Variants in NUDT5 observed in about 807,000 individuals in gnomAD.
NUDT5 encodes nudix hydrolase 5.
In NUDT5, 21 loss-of-function variants were observed where a neutral mutation model predicts 34.1. The ratio of observed to expected loss-of-function variants is 0.62; its 90% confidence interval spans 0.44 to 0.89. NUDT5 has a LOEUF of 0.89. NUDT5 is among the 40% of genes least tolerant of loss of function. The pLI is 0.00. For synonymous variants in NUDT5, 85 were observed against 97.6 expected (o/e 0.87, Z 0.76); for missense variants, 249 against 274.8 (o/e 0.91, Z 0.66).
In NUDT5 at chr10:12,166,373, A is replaced by G. The variant is rs1834693260; in HGVS notation, c.*1329T>C. 3 of 158,368 alleles carry G rather than the reference A, an allele frequency of 1.9e-5. No homozygotes were observed. 9.8% of individuals were successfully genotyped at this position (158,368 alleles called of 1,614,324 possible). On this transcript the variant is annotated 3_prime_UTR_variant, in exon 10 of 10. Coordinates refer to ENST00000491614, the MANE Select transcript of NUDT5 (RefSeq NM_014142.4). ...TAAAAAAGGGTTAGAGGCATAGGGG[A>G]AGGCTACCATTACAGGAAGTAGTTG...
At position 12,170,068 on chromosome 10, in the gene NUDT5, C is replaced by T; in HGVS notation, c.550+649G>A. On this transcript the variant is annotated intron_variant, in intron 9 of 9. Coordinates refer to ENST00000491614, the MANE Select transcript of NUDT5 (RefSeq NM_014142.4). The surrounding 1 kb of genome is among the most constrained non-coding windows in gnomAD (Gnocchi z 4.9). ...CATACAGTATCTCCTCGTCTCCACA[C>T]AGTATCTCCTCATGTCTCCATACAG... 3 of 1,592,452 alleles carry T rather than the reference C, an allele frequency of 1.9e-6. No homozygotes were observed. Among genetic ancestry groups the T allele is most frequent in the Non-Finnish European group, 2.6e-6 (3 of 1,161,468 alleles).
At position 12,179,142 on chromosome 10, in the gene NUDT5, C is replaced by G. The variant is rs1438666331; in HGVS notation, c.132-10G>C. The G allele has an allele frequency of 1.9e-6, 3 of 1,610,114 alleles. No homozygotes were observed. The highest frequency in any genetic ancestry group is 2.5e-6 in the Non-Finnish European group (3 of 1,178,756). On this transcript the variant is annotated splice_polypyrimidine_tract_variant and intron_variant, in intron 3 of 9. Coordinates refer to ENST00000491614, the MANE Select transcript of NUDT5 (RefSeq NM_014142.4). ...CACTGATTCCCAAGTTCTGTTCAGG[C>G]AGAGAAGAAAAAAAAGTCATTAGTG...
intron 1 of NUDT5, among the ~76,000 whole-genome samples, chr10:12,191,868 G>C (rs1350613172): frequency 6.6e-6 from 1 of 152,174 alleles, no homozygotes; most frequent in East Asian, 1.9e-4. Context: ...AGTTAAGTGG[G>C]AGTTTAGATT....
In NUDT5 at chr10:12,173,320, T is replaced by C. The variant is rs562665213; in HGVS notation, c.385+398A>G. ...CTCTGCCTCCTGGGTTCAATTCTCC[T>C]GCCTCAGCCTCCCGAGTAGCTGGGA... On this transcript the variant is annotated intron_variant, in intron 6 of 9. Transcript: ENST00000491614. This position sits in a 1 kb window ranked among gnomAD's most constrained non-coding sequence, Gnocchi z 4.7. Among the ~76,000 whole-genome samples, 9 of 152,292 alleles carry C rather than the reference T, an allele frequency of 5.9e-5. No individual in the cohort carries two copies. Among genetic ancestry groups the C allele is most frequent in the African/African-American group, 1.7e-4 (7 of 41,564 alleles).
intron 2 of NUDT5, among the ~76,000 whole-genome samples, chr10:12,185,610 C>A (rs1835113733): frequency 6.6e-6 from 1 of 152,224 alleles, no homozygotes. Context: ...CTCCTACTAT[C>A]CTATCTTTCA....
Position 12,173,550 on chromosome 10 carries a change from T to C in NUDT5, c.385+168A>G, listed in dbSNP as rs1210857320. ...ATTCTCCCCCAACTTCAGGCCCTTC[T>C]GGCTCCAGTTTCCTCCTGGGAGGGG... is the stretch of plus-strand genomic sequence containing the variant. On this transcript the variant is annotated intron_variant, in intron 6 of 9. Coordinates refer to ENST00000491614, the MANE Select transcript of NUDT5 (RefSeq NM_014142.4). This position sits in a 1 kb window ranked among gnomAD's most constrained non-coding sequence, Gnocchi z 4.7. Among the ~76,000 whole-genome samples the C allele has an allele frequency of 6.6e-6, 1 of 152,226 alleles. No individual in the cohort carries two copies. Among genetic ancestry groups the C allele is most frequent in the Non-Finnish European group, 1.5e-5 (1 of 68,030 alleles).
chr10:12,181,466 C>CA lies in NUDT5; in HGVS notation c.132-2335_132-2334insT, dbSNP rs1835039522. ...TTCAGATTTTGAAATATTTGCCTTA[C>CA]CCTCTGGGTGTCATGCAGGCCTTTT... is the stretch of plus-strand genomic sequence containing the variant. On this transcript the variant is annotated intron_variant, in intron 3 of 9. Coordinates refer to ENST00000491614, the MANE Select transcript of NUDT5 (RefSeq NM_014142.4). The surrounding 1 kb of genome is among the most constrained non-coding windows in gnomAD (Gnocchi z 5.0). Among the ~76,000 whole-genome samples the CA allele has an allele frequency of 6.6e-6, 1 of 152,182 alleles. No individual in the cohort carries two copies. The highest frequency in any genetic ancestry group is 1.5e-5 in the Non-Finnish European group (1 of 68,046).
In NUDT5 at chr10:12,173,413, G is replaced by A. The variant is rs1003090591; in HGVS notation, c.385+305C>T. Among the ~76,000 whole-genome samples, 5 of 152,180 alleles carry A rather than the reference G, an allele frequency of 3.3e-5. No homozygotes were observed. Among genetic ancestry groups the A allele is most frequent in the Non-Finnish European group, 7.3e-5 (5 of 68,042 alleles). ...GAGATGGGTTTCACCATGTTGGTCA[G>A]GCTGGTCTCGAACTCCTGACCTCAG... On this transcript the variant is annotated intron_variant, in intron 6 of 9. Transcript: ENST00000491614. The surrounding 1 kb of genome is among the most constrained non-coding windows in gnomAD (Gnocchi z 4.7).
rs1588656762 is a variant in NUDT5, at chr10:12,175,637, G to C, written c.290-1824C>G. Among the ~76,000 whole-genome samples, 1 of 151,328 alleles carries C rather than the reference G, an allele frequency of 6.6e-6. No homozygotes were observed. Among genetic ancestry groups the C allele is most frequent in the African/African-American group, 2.4e-5 (1 of 41,156 alleles). On this transcript the variant is annotated intron_variant, in intron 5 of 9. Coordinates refer to ENST00000491614, the MANE Select transcript of NUDT5 (RefSeq NM_014142.4). This position sits in a 1 kb window ranked among gnomAD's most constrained non-coding sequence, Gnocchi z 4.8. The stretch of plus-strand genomic sequence containing the variant: ...AACATGGGCAACAGAGCTAGACATA[G>C]TCTCAAAAAAAGAGCCCGGGCATGG...
intron 7 of NUDT5, 55 bp downstream of exon 7, chr10:12,172,710 T>C: frequency 8.2e-7 from 1 of 1,222,158 alleles, no homozygotes; most frequent in Non-Finnish European, 1.2e-6. Flanking sequence ...TAGCAGCAAG[T>C]TCCAAGACAC....
At chr10:12,184,415 G>A in intron 3 of NUDT5, 9 of 1,267,148 alleles carry the variant, frequency 7.1e-6, no homozygotes, top group Non-Finnish European at 8.8e-6. Context: ...GTATCTTTAG[G>A]GCTACTGACA....
Position 12,170,699 on chromosome 10 carries a change from G to C in NUDT5, c.550+18C>G. The stretch of plus-strand genomic sequence containing the variant: ...GGGAGAACTGGAGAAACTGGGTGGC[G>C]GTCTGGAGAATGCTTACCATCAAGT... On this transcript the variant is annotated intron_variant, in intron 9 of 9. Transcript: ENST00000491614. This position sits in a 1 kb window ranked among gnomAD's most constrained non-coding sequence, Gnocchi z 4.9. The C allele has an allele frequency of 6.2e-7, 1 of 1,611,948 alleles. No individual in the cohort carries two copies. Among genetic ancestry groups the C allele is most frequent in the Non-Finnish European group, 8.5e-7 (1 of 1,179,062 alleles).
Position 12,171,023 on chromosome 10 carries a change from T to G in NUDT5, c.488-115A>C. The stretch of plus-strand genomic sequence containing the variant: ...AGAATTTCACAGAAGCCTGGGTTTC[T>G]GCTAACTTAATTTATATACATTGTC... On this transcript the variant is annotated intron_variant, in intron 7 of 9. Transcript: ENST00000491614. This position sits in a 1 kb window ranked among gnomAD's most constrained non-coding sequence, Gnocchi z 4.2. 1.8e-6 allele frequency: 2 copies of G among 1,102,684 alleles called. No homozygotes were observed. The highest frequency in any genetic ancestry group is 2.6e-6 in the Non-Finnish European group (2 of 755,006). The allele number at this position is 1,102,684 out of a possible 1,614,324, so 68.3% of individuals were successfully genotyped here.
intron 1 of NUDT5, among the ~76,000 whole-genome samples, chr10:12,190,748 A>C (rs1835210265): frequency 6.6e-6 from 1 of 150,882 alleles, no homozygotes; most frequent in African/African-American, 2.4e-5. Context: ...AGCTGGGATT[A>C]CAGGCCTGTA....
Position 12,167,449 on chromosome 10 carries a change from A to G in NUDT5, c.*253T>C. ...ACTGAGCTGTAGTTAACTGCTGTTG[A>G]GCTTTAAAAAAATTGGAGTAAACAT... On this transcript the variant is annotated 3_prime_UTR_variant, in exon 10 of 10. Coordinates refer to ENST00000491614, the MANE Select transcript of NUDT5 (RefSeq NM_014142.4). The G allele has an allele frequency of 2.6e-6, 1 of 386,212 alleles. No individual in the cohort carries two copies. The highest frequency in any genetic ancestry group is 4.7e-6 in the Non-Finnish European group (1 of 211,200). The allele number at this position is 386,212 out of a possible 1,614,324, so 23.9% of individuals were successfully genotyped here.
chr10:12,180,057 T>G (rs1227993776), intron 3 of NUDT5, among the ~76,000 whole-genome samples: 3 of 152,210 alleles, frequency 2.0e-5, no homozygotes, highest in African/African-American at 7.2e-5. Context: ...ACCACCTGCA[T>G]CTCGATAGTA....
chr10:12,190,733 T>G (rs1031974313), intron 1 of NUDT5, among the ~76,000 whole-genome samples: 3 of 150,260 alleles, frequency 2.0e-5, no homozygotes, highest in African/African-American at 7.4e-5. Context: ...CTCAGCCTCC[T>G]GAACAGCTGG....
Position 12,173,827 on chromosome 10 carries a change from TC to T in NUDT5, c.290-15del, listed in dbSNP as rs767999601. 30 of 1,594,142 alleles carry T rather than the reference TC, an allele frequency of 1.9e-5. No individual in the cohort carries two copies. In the Middle Eastern group the frequency reaches 5.0e-4, roughly 27 times the overall value. ...CATCTATGAGACCTGCAAGTCCAAA[TC>T]ATTGGTGTGATGGGAGCGGGAAATC... On this transcript the variant is annotated splice_polypyrimidine_tract_variant and intron_variant, in intron 5 of 9. Transcript: ENST00000491614. The surrounding 1 kb of genome is among the most constrained non-coding windows in gnomAD (Gnocchi z 4.7).
chr10:12,192,120 CAA>C (rs1310318762), intron 1 of NUDT5, among the ~76,000 whole-genome samples: 2 of 152,056 alleles, frequency 1.3e-5, no homozygotes, highest in Non-Finnish European at 2.9e-5. Flanking sequence ...CTCTGACTGA[CAA>C]AAGAGGGTCA....
Sources: gnomAD v4.1 joint callset for allele counts (sites outside exome capture counted in the v4.1 genomes callset) on GRCh38, gnomAD v4.1.1 for gene constraint, Gnocchi (gnomAD v3.1) non-coding constraint, MANE v1.5 for transcripts, NCBI Gene and HGNC (gene_info 2026-07-23, HGNC 2026-07-21) for gene names.